Variants in CUX1 observed in about 807,000 individuals in gnomAD.
CUX1 encodes the protein protein CASP.
A neutral mutation model predicts 158.8 loss-of-function variants in CUX1; 31 were observed. That is an observed-to-expected ratio of 0.20 (90% CI 0.15 to 0.26). The LOEUF (loss-of-function observed/expected upper bound fraction) is 0.26, where lower values mean the gene tolerates loss of function less well. CUX1 is among the 10% of genes least tolerant of loss of function. CUX1 has a pLI of 1.00. For missense variants in CUX1, 1,589 were observed against 2,014.6 expected (o/e 0.79, Z 4.04); for synonymous variants, 879 against 862.1 (o/e 1.02, Z -0.34).
chr7:101,909,816 G>A (rs934067957), intron 1 of CUX1, among the ~76,000 whole-genome samples: 21 of 152,230 alleles, frequency 1.4e-4, no homozygotes, highest in Non-Finnish European at 2.5e-4. Context: ...GACCCACCCT[G>A]TGGGAGCCTG....
At chr7:102,280,487 A>G (rs1204919566) in intron 19 of CUX1, among the ~76,000 whole-genome samples, 1 of 152,062 alleles carries the variant, frequency 6.6e-6, no homozygotes, top group Non-Finnish European at 1.5e-5. Flanking sequence ...CGGGCGATCC[A>G]TTGTGGGGAC....
At chr7:101,894,407 G>C (rs977760809) in intron 1 of CUX1, among the ~76,000 whole-genome samples, 4 of 152,158 alleles carry the variant, frequency 2.6e-5, no homozygotes, top group African/African-American at 9.7e-5. Flanking sequence ...TCCGCCTCCT[G>C]GGTTCACGCT....
chr7:101,883,165 C>T (rs140244712), intron 1 of CUX1, among the ~76,000 whole-genome samples: 7 of 152,190 alleles, frequency 4.6e-5, no homozygotes, highest in South Asian at 2.1e-4. Context: ...CAGCAATTTT[C>T]GTCATATGGA....
intron 2 of CUX1, among the ~76,000 whole-genome samples, chr7:101,993,954 T>G (rs1050900727): frequency 6.6e-6 from 1 of 152,172 alleles, no homozygotes; most frequent in Non-Finnish European, 1.5e-5. Flanking sequence ...TCCAGCTCTG[T>G]ATCCATCTGC....
intron 7 of CUX1, 84 bp downstream of exon 7, chr7:102,111,858 CGCGGATACCTGTTGCTCT>C: frequency 8.1e-7 from 1 of 1,231,734 alleles, no homozygotes; most frequent in Non-Finnish European, 1.2e-6. Context: ...CCCCGGTCCC[CGCGGATACCTGTTGCTCT>C]TCGGGGCCGT....
intron 3 of CUX1, among the ~76,000 whole-genome samples, chr7:102,044,764 C>T (rs1008659410): frequency 6.6e-6 from 1 of 152,036 alleles, no homozygotes; most frequent in Non-Finnish European, 1.5e-5. Context: ...CAAAATAGGT[C>T]AGTGCCCTGC....
chr7:102,013,478 G>A (rs1585274342), intron 2 of CUX1, among the ~76,000 whole-genome samples: 1 of 152,126 alleles, frequency 6.6e-6, no homozygotes, highest in Non-Finnish European at 1.5e-5. Flanking sequence ...TTCCAGGACC[G>A]CATGAAAGTC....
upstream of CUX1, chr7:101,817,448 G>C (rs1185183497): frequency 1.0e-6 from 1 of 984,286 alleles, no homozygotes; most frequent in East Asian, 1.1e-4. The surrounding 1 kb of genome is among the most constrained non-coding windows in gnomAD (Gnocchi z 4.1). Flanking sequence ...TGGTCCGCGC[G>C]CGGAGTCCCC....
intron 2 of CUX1, among the ~76,000 whole-genome samples, chr7:101,936,491 G>A (rs557395201): frequency 6.6e-6 from 1 of 152,252 alleles, no homozygotes; most frequent in African/African-American, 2.4e-5. Context: ...TGGGAACCCC[G>A]GGGAGGAAGT....
chr7:102,002,173 G>A lies in CUX1; in HGVS notation c.142-25925G>A, dbSNP rs182129007. ...TAAAAAGCTGAGTATGGTGGTGCAT[G>A]CCTGCAGTCCCAGCTACTCCAGAGG... On this transcript the variant is annotated intron_variant, in intron 2 of 23. Transcript: ENST00000292535. Among the ~76,000 whole-genome samples, 450 of 152,312 alleles carry A rather than the reference G, an allele frequency of 3.0e-3. 3 individuals carry two copies. The highest frequency in any genetic ancestry group is 0.011 in the African/African-American group (437 of 41,574).
At chr7:102,195,415 C>G (rs1017532203) in intron 13 of CUX1, 92 bp from the exon 14 acceptor site, 35 of 991,748 alleles carry the variant, frequency 3.5e-5, no homozygotes, top group Non-Finnish European at 4.9e-5. Context: ...GGAACGCGGA[C>G]AGATGGAGGG....
chr7:102,001,268 C>T (rs1022662030), intron 2 of CUX1, among the ~76,000 whole-genome samples: 4 of 152,198 alleles, frequency 2.6e-5, no homozygotes, highest in African/African-American at 4.8e-5. Context: ...GGCTGACTTA[C>T]ACTTCCTCCC....
intron 2 of CUX1, among the ~76,000 whole-genome samples, chr7:101,943,078 C>CT (rs58332486): frequency 0.034 from 2,756 of 80,374 alleles, 163 homozygotes; most frequent in African/African-American, 0.13. Context: ...CTGGTCAGTG[C>CT]TTTTTTTTTT....
intron 1 of CUX1, among the ~76,000 whole-genome samples, chr7:101,832,855 C>T (rs959932759): frequency 3.3e-5 from 5 of 151,956 alleles, no homozygotes; most frequent in Non-Finnish European, 5.9e-5. Context: ...TGGCCTGCTC[C>T]GGTGCCTCTG....
chr7:102,186,824 G>A (rs1554515465), intron 11 of CUX1: 1 of 152,140 alleles, frequency 6.6e-6, no homozygotes, highest in Non-Finnish European at 1.5e-5. Context: ...CTTAGTGTTA[G>A]GAGTTCGAGA....
intron 2 of CUX1, among the ~76,000 whole-genome samples, chr7:101,921,330 C>CT (rs1267311135): frequency 3.3e-5 from 5 of 152,100 alleles, no homozygotes; most frequent in Non-Finnish European, 5.9e-5. Context: ...TAGAGTTTAG[C>CT]TTATGTTCGT....
chr7:102,183,540 G>A (rs1793339248), intron 11 of CUX1, among the ~76,000 whole-genome samples: 1 of 152,188 alleles, frequency 6.6e-6, no homozygotes, highest in Non-Finnish European at 1.5e-5. Flanking sequence ...CTCTGCCTGA[G>A]GAACCATGGA....
chr7:101,991,424 T>A (rs1431161589), intron 2 of CUX1, among the ~76,000 whole-genome samples: 1 of 152,210 alleles, frequency 6.6e-6, no homozygotes, highest in African/African-American at 2.4e-5. Flanking sequence ...ATCTAGCCTA[T>A]GTATTGGATT....
chr7:101,875,052 G>A (rs1224420454), intron 1 of CUX1, among the ~76,000 whole-genome samples: 1 of 152,180 alleles, frequency 6.6e-6, no homozygotes, highest in African/African-American at 2.4e-5. Flanking sequence ...TCAAAAAGGA[G>A]AAATCAGGCT....
Sources: gnomAD v4.1 joint callset for allele counts (sites outside exome capture counted in the v4.1 genomes callset) on GRCh38, gnomAD v4.1.1 for gene constraint, Gnocchi (gnomAD v3.1) non-coding constraint, MANE v1.5 for transcripts, NCBI Gene and HGNC (gene_info 2026-07-23, HGNC 2026-07-21) for gene names.